C12orf42: variants seen among roughly 807,000 people sequenced by gnomAD.
C12orf42 encodes the protein uncharacterized protein C12orf42.
In C12orf42, 25 loss-of-function variants were observed where a neutral mutation model predicts 21.6. The observed-to-expected ratio is 1.16, with a 90% confidence interval of 0.84 to 1.62. The LOEUF (loss-of-function observed/expected upper bound fraction) is 1.62, where lower values mean the gene tolerates loss of function less well. Ranked by LOEUF, C12orf42 falls within the 40% of genes most tolerant of loss-of-function variation. C12orf42 has a pLI of 0.00. For synonymous variants in C12orf42, 174 were observed against 175.0 expected, an observed-to-expected ratio of 0.99 and a Z score of 0.05; for missense variants, 483 against 459.3, an observed-to-expected ratio of 1.05 and a Z score of -0.47.
chr12:103,157,426 C>G, the C12orf42 span, among the ~76,000 whole-genome samples: 1 of 152,010 alleles, frequency 6.6e-6, no homozygotes, highest in Non-Finnish European at 1.5e-5. Flanking sequence ...TGTAGGTTAC[C>G]TGTTCACTTT....
the C12orf42 span, among the ~76,000 whole-genome samples, chr12:103,090,327 A>G: frequency 1.3e-4 from 20 of 152,306 alleles, no homozygotes; most frequent in African/African-American, 4.6e-4. Context: ...AGGCACAGTC[A>G]CCACCGAATT....
At chr12:103,152,672 A>T in the C12orf42 span, among the ~76,000 whole-genome samples, 3 of 151,946 alleles carry the variant, frequency 2.0e-5, no homozygotes, top group Admixed American at 1.3e-4. Context: ...AACGACAATA[A>T]TTTTTTTTCT....
At chr12:103,220,442 A>G in the C12orf42 span, among the ~76,000 whole-genome samples, 3 of 152,126 alleles carry the variant, frequency 2.0e-5, no homozygotes, top group Admixed American at 1.3e-4. Context: ...CAATAAATAT[A>G]TATATTTACA....
At chr12:103,508,748 A>T in the C12orf42 span, among the ~76,000 whole-genome samples, 1 of 152,302 alleles carries the variant, frequency 6.6e-6, no homozygotes, top group African/African-American at 2.4e-5. Flanking sequence ...CCAATAACCT[A>T]AGCAAAGGAG....
At chr12:103,560,028 C>T in the C12orf42 span, among the ~76,000 whole-genome samples, 1 of 152,098 alleles carries the variant, frequency 6.6e-6, no homozygotes, top group Non-Finnish European at 1.5e-5. Flanking sequence ...TAGATAATTT[C>T]CTGAATATAT....
intron 2 of C12orf42, among the ~76,000 whole-genome samples, chr12:103,457,606 T>A (rs1008110099): frequency 6.6e-6 from 1 of 152,186 alleles, no homozygotes; most frequent in Non-Finnish European, 1.5e-5. Context: ...TACATTTAGT[T>A]CCCATACTGT....
chr12:103,186,172 CTG>C, the C12orf42 span, among the ~76,000 whole-genome samples: 1 of 152,152 alleles, frequency 6.6e-6, no homozygotes, highest in Non-Finnish European at 1.5e-5. Context: ...AGGATATAGA[CTG>C]TGGAACTAGG....
intron 4 of C12orf42, among the ~76,000 whole-genome samples, chr12:103,320,676 T>C (rs1258974056): frequency 6.6e-6 from 1 of 152,106 alleles, no homozygotes; most frequent in Non-Finnish European, 1.5e-5. Context: ...AGATATGGGG[T>C]TCTGGTTATT....
the C12orf42 span, among the ~76,000 whole-genome samples, chr12:103,539,298 T>G: frequency 6.6e-6 from 1 of 152,102 alleles, no homozygotes; most frequent in African/African-American, 2.4e-5. Context: ...TGTGTATGTG[T>G]GTGTGTGTGG....
At chr12:103,227,293 T>C in the C12orf42 span, among the ~76,000 whole-genome samples, 1 of 151,208 alleles carries the variant, frequency 6.6e-6, no homozygotes, top group Non-Finnish European at 1.5e-5. Flanking sequence ...AATAAGGGAC[T>C]AGGGTGCAGA....
intron 2 of C12orf42, among the ~76,000 whole-genome samples, chr12:103,454,241 C>G (rs913957986): frequency 6.6e-6 from 1 of 152,034 alleles, no homozygotes; most frequent in African/African-American, 2.4e-5. Flanking sequence ...CTCAGTTCTT[C>G]TTAAAACACA....
chr12:103,383,056 T>C (rs1161383678), intron 3 of C12orf42, among the ~76,000 whole-genome samples: 3 of 152,242 alleles, frequency 2.0e-5, no homozygotes, highest in African/African-American at 4.8e-5. Flanking sequence ...ATATGATACT[T>C]ACTGCCTGTG....
chr12:103,124,156 T>C, the C12orf42 span, among the ~76,000 whole-genome samples: 2 of 11,750 alleles, frequency 1.7e-4, no homozygotes, highest in Non-Finnish European at 3.9e-4. Flanking sequence ...AAACATAAGC[T>C]TTTTTTTTTT....
intron 2 of C12orf42, among the ~76,000 whole-genome samples, chr12:103,435,755 A>G (rs1160075709): frequency 6.6e-6 from 1 of 152,114 alleles, no homozygotes; most frequent in Admixed American, 6.5e-5. Context: ...ACTATGTGAA[A>G]AGACCAAATC....
At chr12:103,329,647 C>T (rs1210121785) in intron 4 of C12orf42, among the ~76,000 whole-genome samples, 4 of 143,620 alleles carry the variant, frequency 2.8e-5, no homozygotes, top group Non-Finnish European at 6.1e-5. Context: ...AGAGACTCAA[C>T]TAAATGATGC....
At chr12:103,059,324 G>T in the C12orf42 span, among the ~76,000 whole-genome samples, 1 of 152,236 alleles carries the variant, frequency 6.6e-6, no homozygotes, top group African/African-American at 2.4e-5. Flanking sequence ...CTGAAACTGA[G>T]GCAGTAATTA....
downstream of C12orf42, among the ~76,000 whole-genome samples, chr12:103,266,677 A>G (rs1015931851): frequency 3.3e-5 from 5 of 152,130 alleles, no homozygotes; most frequent in African/African-American, 1.2e-4. Flanking sequence ...AACCTTGAAT[A>G]TTTCTTGCTT....
At chr12:103,294,626 AAGAAAGAAAG>A (rs1241223887) in intron 4 of C12orf42, among the ~76,000 whole-genome samples, 12 of 150,274 alleles carry the variant, frequency 8.0e-5, no homozygotes, top group Admixed American at 3.3e-4. Flanking sequence ...GAAAGAAAGA[AAGAAAGAAAG>A]AAGGAAAAGA....
the C12orf42 span, among the ~76,000 whole-genome samples, chr12:103,194,736 A>T: frequency 6.6e-6 from 1 of 152,150 alleles, no homozygotes; most frequent in Non-Finnish European, 1.5e-5. Flanking sequence ...TAAAATGTAC[A>T]TGCTACCCAA....
Sources: allele counts gnomAD v4.1 joint callset (sites outside exome capture counted in the v4.1 genomes callset), GRCh38; gene constraint gnomAD v4.1.1; transcripts MANE v1.5; gene names NCBI Gene and HGNC (gene_info 2026-07-23, HGNC 2026-07-21).